MAN2A1: variants seen among roughly 807,000 people sequenced by gnomAD.
MAN2A1 encodes mannosidase alpha class 2A member 1.
In MAN2A1, 76 loss-of-function variants were observed where a neutral mutation model predicts 142.6. That is an observed-to-expected ratio of 0.53 (90% CI 0.44 to 0.65). MAN2A1 has a LOEUF of 0.65. Among genes scored for constraint, MAN2A1 ranks in the 30% least tolerant of loss-of-function variants. MAN2A1 has a pLI of 0.00. For synonymous variants in MAN2A1, 559 were observed against 473.2 expected, an observed-to-expected ratio of 1.18 and a Z score of -2.35; for missense variants, 1,311 against 1,365.1, an observed-to-expected ratio of 0.96 and a Z score of 0.62.
chr5:109,856,186 T>C (rs972505678), intron 20 of MAN2A1, among the ~76,000 whole-genome samples: 2 of 152,320 alleles, frequency 1.3e-5, no homozygotes, highest in Admixed American at 1.3e-4. Context: ...AATTTTTTTT[T>C]CTTTATAGAT....
At chr5:109,735,421 TTAG>T (rs1752061071) in intron 4 of MAN2A1, among the ~76,000 whole-genome samples, 1 of 152,214 alleles carries the variant, frequency 6.6e-6, no homozygotes, top group Non-Finnish European at 1.5e-5. Context: ...CATTTTGATG[TTAG>T]CTGGTTATTT....
At chr5:109,780,567 C>T (rs1354386746) in intron 8 of MAN2A1, among the ~76,000 whole-genome samples, 3 of 149,866 alleles carry the variant, frequency 2.0e-5, no homozygotes, top group African/African-American at 7.4e-5. Context: ...TAGGAAACAA[C>T]AAAATCCGCA....
chr5:109,844,602 A>G (rs1473225341), intron 17 of MAN2A1, among the ~76,000 whole-genome samples: 1 of 152,188 alleles, frequency 6.6e-6, no homozygotes. Flanking sequence ...TCTGGAGACT[A>G]GATTTCTAAC....
intron 3 of MAN2A1, among the ~76,000 whole-genome samples, chr5:109,725,997 C>CCA (rs1176124520): frequency 6.6e-6 from 1 of 151,974 alleles, no homozygotes; most frequent in East Asian, 1.9e-4. Context: ...AAATATTTCC[C>CCA]CACTTATTTA....
chr5:109,722,327 G>C (rs1362837699), intron 3 of MAN2A1, among the ~76,000 whole-genome samples: 1 of 151,972 alleles, frequency 6.6e-6, no homozygotes. Flanking sequence ...TACTATATTA[G>C]TACATGAGAT....
chr5:109,768,159 A>C (rs763064635), intron 6 of MAN2A1, among the ~76,000 whole-genome samples: 4 of 152,246 alleles, frequency 2.6e-5, no homozygotes, highest in East Asian at 1.9e-4. Flanking sequence ...CCTAATGTCA[A>C]AATACCACCT....
chr5:109,839,568 T>C (rs1247194649), intron 16 of MAN2A1, among the ~76,000 whole-genome samples: 1 of 149,644 alleles, frequency 6.7e-6, no homozygotes, highest in Non-Finnish European at 1.5e-5. Flanking sequence ...TCCCAGCTAC[T>C]CAGGAGGCTG....
chr5:109,722,795 C>T (rs543608773), intron 3 of MAN2A1, among the ~76,000 whole-genome samples: 1 of 152,252 alleles, frequency 6.6e-6, no homozygotes, highest in South Asian at 2.1e-4. Context: ...AAGTAGCCCC[C>T]TCGTGTACCC....
At chr5:109,703,858 A>G (rs375652070) in intron 1 of MAN2A1, among the ~76,000 whole-genome samples, 25 of 152,286 alleles carry the variant, frequency 1.6e-4, no homozygotes, top group African/African-American at 5.5e-4. Flanking sequence ...TAATAGCTTG[A>G]TGTCTAAAAT....
intron 20 of MAN2A1, among the ~76,000 whole-genome samples, chr5:109,857,979 G>T (rs1234773658): frequency 2.0e-5 from 3 of 152,306 alleles, no homozygotes; most frequent in South Asian, 2.1e-4. Context: ...AAATCCTATT[G>T]TGAAAGCCTT....
At chr5:109,862,870 T>C (rs769497957) in intron 20 of MAN2A1, 1 of 152,204 alleles carries the variant, frequency 6.6e-6, no homozygotes, top group African/African-American at 2.4e-5. Flanking sequence ...ATTTTAGTTT[T>C]GAGAGAAAGT....
intron 12 of MAN2A1, among the ~76,000 whole-genome samples, chr5:109,799,339 A>G (rs1753952124): frequency 6.6e-6 from 1 of 152,132 alleles, no homozygotes; most frequent in South Asian, 2.1e-4. Context: ...AGTCTGCACT[A>G]TGTGCTCCAG....
chr5:109,855,494 C>T (rs1049943442), intron 20 of MAN2A1, among the ~76,000 whole-genome samples, 160 bp downstream of exon 20: 2 of 152,274 alleles, frequency 1.3e-5, no homozygotes, highest in South Asian at 4.1e-4. Flanking sequence ...TTTCATTTGA[C>T]TATTGCTGTA....
chr5:109,756,721 A>G (rs1371274983), intron 5 of MAN2A1, among the ~76,000 whole-genome samples: 1 of 152,204 alleles, frequency 6.6e-6, no homozygotes, highest in African/African-American at 2.4e-5. Context: ...TAGTTAGCAT[A>G]GCAGGTCTGC....
intron 3 of MAN2A1, among the ~76,000 whole-genome samples, chr5:109,726,021 C>CT (rs1212966306): frequency 1.3e-5 from 2 of 151,926 alleles, no homozygotes; most frequent in Non-Finnish European, 2.9e-5. Flanking sequence ...TAGCTATTAG[C>CT]TTTTTTATGG....
chr5:109,758,986 A>G (rs144607118), intron 5 of MAN2A1, among the ~76,000 whole-genome samples: 2 of 152,134 alleles, frequency 1.3e-5, no homozygotes, highest in African/African-American at 4.8e-5. Flanking sequence ...CTTGATTACT[A>G]TAGCTTGTAT....
intron 1 of MAN2A1, among the ~76,000 whole-genome samples, chr5:109,711,963 T>A (rs912659454): frequency 1.3e-5 from 2 of 152,180 alleles, no homozygotes; most frequent in Non-Finnish European, 2.9e-5. Flanking sequence ...GAGAGCATCT[T>A]TCAGGTCTGA....
In MAN2A1 at chr5:109,785,034, T is replaced by C. The variant is rs183887210; in HGVS notation, c.1760+108T>C. The C allele has an allele frequency of 3.1e-4, 217 of 708,124 alleles. No individual in the cohort carries two copies. The African/African-American group carries it at 3.6e-3, about 12-fold the overall frequency. 43.9% of individuals were successfully genotyped at this position (708,124 alleles called of 1,614,324 possible). On this transcript the variant is annotated intron_variant, in intron 10 of 21. Transcript: ENST00000261483. ...AGTGTATATCAAACCACATTAACAA[T>C]GATATCCCTCATAAGTATTACTGTA...
intron 3 of MAN2A1, among the ~76,000 whole-genome samples, chr5:109,719,729 G>T (rs1751551647): frequency 1.3e-5 from 2 of 152,012 alleles, no homozygotes; most frequent in Non-Finnish European, 2.9e-5. Context: ...CCAACTTTGT[G>T]AATTTATGTT....
Sources: allele counts gnomAD v4.1 joint callset (sites outside exome capture counted in the v4.1 genomes callset), GRCh38; gene constraint gnomAD v4.1.1; transcripts MANE v1.5; gene names NCBI Gene and HGNC (gene_info 2026-07-23, HGNC 2026-07-21).